Variants in KIF11 observed in about 807,000 individuals in gnomAD.
KIF11 encodes the protein kinesin-like protein KIF11.
KIF11 carries 9 observed loss-of-function variants against 121.0 expected under a neutral mutation model. That is an observed-to-expected ratio of 0.07 (90% CI 0.04 to 0.13). The LOEUF (loss-of-function observed/expected upper bound fraction) is 0.13. Ranked by LOEUF, KIF11 falls within the 10% of genes least tolerant of loss-of-function variation. The pLI is 1.00. For synonymous variants in KIF11, 408 were observed against 421.0 expected (o/e 0.97, Z 0.38); for missense variants, 846 against 1,217.5 (o/e 0.69, Z 4.54).
At chr10:92,600,657 G>A (rs903186589) in intron 1 of KIF11, among the ~76,000 whole-genome samples, 3 of 151,668 alleles carry the variant, frequency 2.0e-5, no homozygotes, top group Admixed American at 1.3e-4. Flanking sequence ...ACAGGCATGC[G>A]CCCATGCCTA....
intron 14 of KIF11, among the ~76,000 whole-genome samples, chr10:92,636,928 G>T (rs779155516): frequency 6.6e-6 from 1 of 150,780 alleles, no homozygotes; most frequent in Non-Finnish European, 1.5e-5. Context: ...AGCTACTCCG[G>T]AGGCTGAGGC....
chr10:92,636,860 C>A (rs538459593), intron 14 of KIF11, among the ~76,000 whole-genome samples: 2 of 151,346 alleles, frequency 1.3e-5, no homozygotes, highest in Non-Finnish European at 2.9e-5. Context: ...TGGCGAAACC[C>A]CATCTCTACT....
Position 92,622,987 on chromosome 10 carries a change from C to T in KIF11, c.1217+1514C>T, listed in dbSNP as rs541252559. ...ATCATGAGAACAGCAAGGGGGAAGT[C>T]CATCTTTATCACTCGGTTATCTCCC... On this transcript the variant is annotated intron_variant, in intron 10 of 21. Transcript: ENST00000260731. Among the ~76,000 whole-genome samples the T allele has an allele frequency of 4.6e-5, 7 of 152,262 alleles. No individual in the cohort carries two copies. The South Asian group carries it at 1.5e-3, about 32-fold the overall frequency.
intron 21 of KIF11, among the ~76,000 whole-genome samples, chr10:92,650,826 C>T (rs555815642): frequency 1.3e-5 from 2 of 152,124 alleles, no homozygotes; most frequent in South Asian, 4.1e-4. Context: ...CTTCCTTCTA[C>T]CTTTGACATG....
intron 1 of KIF11, among the ~76,000 whole-genome samples, chr10:92,602,530 C>T (rs1432321189): frequency 5.3e-5 from 8 of 151,770 alleles, no homozygotes; most frequent in African/African-American, 7.3e-5. Context: ...CTGGGTTATC[C>T]GATTTGTTGG....
intron 9 of KIF11, 104 bp from the exon 10 acceptor site, chr10:92,621,281 A>T: frequency 1.7e-6 from 1 of 573,240 alleles, no homozygotes; most frequent in Non-Finnish European, 3.1e-6. Flanking sequence ...TTTAAGTTTT[A>T]AAAGACATAA....
At chr10:92,605,368 A>T (rs1289585709) in intron 1 of KIF11, among the ~76,000 whole-genome samples, 1 of 152,100 alleles carries the variant, frequency 6.6e-6, no homozygotes, top group Non-Finnish European at 1.5e-5. Context: ...TCAACTTATT[A>T]GTCATTATTT....
intron 13 of KIF11, among the ~76,000 whole-genome samples, chr10:92,633,063 CTTT>C (rs369354437): frequency 6.6e-6 from 1 of 151,220 alleles, no homozygotes; most frequent in African/African-American, 2.4e-5. Context: ...CATTCTGCAA[CTTT>C]TTTTGGGGGG....
chr10:92,633,929 A>G (rs1210017304), intron 14 of KIF11, 134 bp downstream of exon 14: 1 of 604,428 alleles, frequency 1.7e-6, no homozygotes, highest in East Asian at 2.8e-5. Flanking sequence ...GCTTTACTAG[A>G]CACAGTCATA....
At chr10:92,611,282 G>A (rs141208677) in intron 6 of KIF11, among the ~76,000 whole-genome samples, 2 of 151,942 alleles carry the variant, frequency 1.3e-5, no homozygotes, top group African/African-American at 4.8e-5. Flanking sequence ...ATGCGATCTC[G>A]GCTCACTGCA....
At position 92,645,408 on chromosome 10, in the gene KIF11, A is replaced by G. The variant is rs2135923364; in HGVS notation, c.2313A>G (p.Lys771=). The change falls in exon 18 of 22, where the codon AAA becomes AAG. Residue 771 remains lysine, a synonymous_variant. Coordinates refer to ENST00000260731, the MANE Select transcript of KIF11 (RefSeq NM_004523.4). The stretch of plus-strand genomic sequence containing the variant: ...ACAAAATGACTTTTCACAGTCAAAA[A>G]TTTTGTGCTGATTCTGATGGCTTCT... The part of the protein sequence containing the change: ...IVNKMTFHSQ[K]FCADSDGFSQ... 1 of 1,613,166 alleles carries G rather than the reference A, an allele frequency of 6.2e-7. No individual in the cohort carries two copies. Among genetic ancestry groups the G allele is most frequent in the Non-Finnish European group, 8.5e-7 (1 of 1,179,456 alleles).
intron 9 of KIF11, among the ~76,000 whole-genome samples, chr10:92,620,553 T>G (rs1379988094): frequency 6.6e-6 from 1 of 152,220 alleles, no homozygotes; most frequent in Non-Finnish European, 1.5e-5. Context: ...ATGCTCAGAT[T>G]GGCTCATCTT....
At chr10:92,612,032 T>A (rs1844502779) in intron 6 of KIF11, among the ~76,000 whole-genome samples, 1 of 152,224 alleles carries the variant, frequency 6.6e-6, no homozygotes, top group Admixed American at 6.5e-5. Flanking sequence ...TGCCATTGGA[T>A]ACAGAAAGAA....
At chr10:92,617,148 C>G (rs1564707893) in intron 9 of KIF11, among the ~76,000 whole-genome samples, 1 of 152,280 alleles carries the variant, frequency 6.6e-6, no homozygotes, top group East Asian at 1.9e-4. Flanking sequence ...GCATACAATT[C>G]AATGATTTAT....
chr10:92,635,103 TTTG>T (rs1346615232), intron 14 of KIF11, among the ~76,000 whole-genome samples: 1 of 152,238 alleles, frequency 6.6e-6, no homozygotes, highest in African/African-American at 2.4e-5. Context: ...ATATAATTTA[TTTG>T]TTTTCTTTGT....
intron 17 of KIF11, among the ~76,000 whole-genome samples, chr10:92,641,710 A>T (rs1196532894): frequency 6.6e-6 from 1 of 152,196 alleles, no homozygotes; most frequent in Non-Finnish European, 1.5e-5. Context: ...GGAAATTTTC[A>T]TCTATTAATT....
chr10:92,639,672 C>T (rs1589605053), intron 16 of KIF11, 122 bp from the exon 17 acceptor site: 1 of 581,516 alleles, frequency 1.7e-6, no homozygotes, highest in Non-Finnish European at 3.1e-6. Context: ...TTAACTTTAT[C>T]TCTTGTCAAG....
At chr10:92,614,035 C>T (rs1398065923) in intron 8 of KIF11, among the ~76,000 whole-genome samples, 2,258 of 139,926 alleles carry the variant, frequency 0.016, 48 homozygotes, top group African/African-American at 0.041. Flanking sequence ...CACACACACA[C>T]ACACACACAC....
chr10:92,612,388 T>C (rs1044860768), intron 6 of KIF11, among the ~76,000 whole-genome samples: 1 of 152,176 alleles, frequency 6.6e-6, no homozygotes, highest in African/African-American at 2.4e-5. Flanking sequence ...CCCTCCTACC[T>C]TGGCCTCCCA....
Sources: allele counts gnomAD v4.1 joint callset (sites outside exome capture counted in the v4.1 genomes callset), GRCh38; gene constraint gnomAD v4.1.1; transcripts MANE v1.5; gene names NCBI Gene and HGNC (gene_info 2026-07-23, HGNC 2026-07-21).